The following PARP3 variants were observed in gnomAD, a reference collection of about 807,000 sequenced individuals.
The protein encoded by PARP3 is protein mono-ADP-ribosyltransferase PARP3.
A neutral mutation model predicts 58.2 loss-of-function variants in PARP3; 46 were observed. That is an observed-to-expected ratio of 0.79 (90% CI 0.62 to 1.01). PARP3 has a LOEUF of 1.01. PARP3 is among the 50% of genes least tolerant of loss of function. The probability of loss-of-function intolerance (pLI) is 0.00; values close to 1 mark genes in which losing one functional copy is unlikely to be tolerated. For missense variants in PARP3, 663 were observed against 683.9 expected (o/e 0.97, Z 0.34); for synonymous variants, 252 against 266.4 (o/e 0.95, Z 0.53).
In PARP3 at chr3:51,943,477, C is replaced by T; in HGVS notation, c.122C>T (p.Ala41Val). ...GCTGAGGCCCTCAAGGCCATACCCGCAGAGAAGCGCATAATCCGCGTGGAT... is the reference window on the plus strand; with the variant it reads ...GCTGAGGCCCTCAAGGCCATACCCGTAGAGAAGCGCATAATCCGCGTGGAT... ...STAEALKAIP[A>V]EKRIIRVDPT... Residue 41 changes from alanine (A) to valine (V), a missense_variant, in exon 2 of 11, where the codon GCA (alanine) becomes GTA (valine). This residue lies in a region of PARP3 where 567 missense variants were observed against 553.6 expected (regional missense o/e 1.02). Transcript: ENST00000398755. The T allele has an allele frequency of 1.2e-6, 2 of 1,610,974 alleles. No individual in the cohort carries two copies. The highest frequency in any genetic ancestry group is 1.7e-6 in the Non-Finnish European group (2 of 1,179,066).
In PARP3 at chr3:51,945,206, C is replaced by G. The variant is rs750791962; in HGVS notation, c.843C>G (p.Ala281=). 1 of 1,613,772 alleles carries G rather than the reference C, an allele frequency of 6.2e-7. No individual in the cohort carries two copies. The highest frequency in any genetic ancestry group is 1.1e-5 in the South Asian group (1 of 91,082). ...TCAATTCCCCTGAGCTTCTGCAGGCCAAGAAGGACATGCTGCTGGTGAGGG... is the reference window on the plus strand; with the variant it reads ...TCAATTCCCCTGAGCTTCTGCAGGCGAAGAAGGACATGCTGCTGGTGAGGG... ...PPINSPELLQ[A]KKDMLLVLAD... The change falls in exon 6 of 11, where the codon GCC becomes GCG. Residue 281 remains alanine, a synonymous_variant. Transcript: ENST00000398755.
Position 51,945,649 on chromosome 3 carries a change from G to A in PARP3, c.1011+5G>A, listed in dbSNP as rs904013666. ...TCTGGAGCACCTGAGTACAAGGTGAGTTGGGCCCCACAGAGGGGCCAGGCT... is the reference window on the plus strand; with the variant it reads ...TCTGGAGCACCTGAGTACAAGGTGAATTGGGCCCCACAGAGGGGCCAGGCT... On this transcript the variant is annotated splice_donor_5th_base_variant and intron_variant, in intron 7 of 10. Transcript: ENST00000398755. The A allele has an allele frequency of 6.2e-7, 1 of 1,613,696 alleles. No individual in the cohort carries two copies. Among genetic ancestry groups the A allele is most frequent in the Non-Finnish European group, 8.5e-7 (1 of 1,179,932 alleles).
At chr3:51,945,274 C>A in intron 6 of PARP3, 50 bp downstream of exon 6, 1 of 1,563,804 alleles carries the variant, frequency 6.4e-7, no homozygotes, top group Non-Finnish European at 8.8e-7. Flanking sequence ...GAACAGACAG[C>A]CTAGGCGAGC....
Position 51,944,369 on chromosome 3 carries a change from C to T in PARP3, c.313-21C>T. 1.2e-6 allele frequency: 2 copies of T among 1,613,162 alleles called. No individual in the cohort carries two copies. The highest frequency in any genetic ancestry group is 1.3e-5 in the African/African-American group (1 of 75,044). ...AGCAAATGCTGATGGTGGGCATACC[C>T]CTGAAGGCTGTCGGTTGCAGGGAGA... On this transcript the variant is annotated intron_variant, in intron 3 of 10. Transcript: ENST00000398755. This position sits in a 1 kb window ranked among gnomAD's most constrained non-coding sequence, Gnocchi z 4.2.
At chr3:51,945,462 G>A in intron 6 of PARP3, 33 bp from the exon 7 acceptor site, 1 of 1,606,952 alleles carries the variant, frequency 6.2e-7, no homozygotes, top group Non-Finnish European at 8.5e-7. Flanking sequence ...GAGGTCAAGT[G>A]GGAAGACAAA....
chr3:51,947,758 G>T lies in PARP3; in HGVS notation c.1295G>T (p.Gly432Val), dbSNP rs766341004. 5.0e-6 allele frequency: 8 copies of T among 1,614,126 alleles called. No homozygotes were observed. The highest frequency in any genetic ancestry group is 5.9e-6 in the Non-Finnish European group (7 of 1,179,996). Residue 432 changes from glycine (G) to valine (V), a missense_variant, in exon 10 of 11, where the codon GGG becomes GTG. Around this residue, in one of 3 missense-constraint regions of PARP3, gnomAD observed 567 missense variants for 553.6 expected, o/e 1.02. Coordinates refer to ENST00000398755, the MANE Select transcript of PARP3 (RefSeq NM_001003931.4). ...CTTGCAGTTATTGGCATGAAGTGTG[G>T]GGCCCACCATGTCGGCTACATGTTC... is the stretch of plus-strand genomic sequence containing the variant. ...SAGYVIGMKCGAHHVGYMFLG... is the reference protein window; with the variant it reads ...SAGYVIGMKCVAHHVGYMFLG...
chr3:51,945,036 C>T lies in PARP3; in HGVS notation c.673C>T (p.Gln225Ter), dbSNP rs750153146. ...KMPLGKLSKQ[Q>*]IARGFEALEA... ...GCCCCTGGGAAAGCTGAGCAAGCAA[C>T]AGATTGCACGGGGTTTCGAGGCCTT... Residue 225 changes from glutamine to a stop codon, truncating the protein, a stop_gained, in exon 6 of 11, where the codon CAG (glutamine) becomes TAG (stop). Transcript: ENST00000398755. LOFTEE classifies it high-confidence loss of function. 1 of 1,614,096 alleles carries T rather than the reference C, an allele frequency of 6.2e-7. No individual in the cohort carries two copies. The highest frequency in any genetic ancestry group is 8.5e-7 in the Non-Finnish European group (1 of 1,180,038).
In PARP3 at chr3:51,942,489, G is replaced by A. The variant is rs1699568047; in HGVS notation, c.-222G>A. ...GTCCGTGGGACTGGTCGCCTGACTCGGCCTGCCCCAGCCTCTGCTTCACCC... is the reference window on the plus strand; with the variant it reads ...GTCCGTGGGACTGGTCGCCTGACTCAGCCTGCCCCAGCCTCTGCTTCACCC... On this transcript the variant is annotated 5_prime_UTR_variant, in exon 1 of 11. Transcript: ENST00000398755. The A allele has an allele frequency of 1.5e-6, 1 of 655,988 alleles. No individual in the cohort carries two copies. Among genetic ancestry groups the A allele is most frequent in the Admixed American group, 2.2e-5 (1 of 45,744 alleles). 40.6% of individuals were successfully genotyped at this position (655,988 alleles called of 1,614,324 possible).
chr3:51,948,516 G>T lies in PARP3; in HGVS notation c.*36G>T. The T allele has an allele frequency of 6.3e-7, 1 of 1,594,920 alleles. No individual in the cohort carries two copies. Among genetic ancestry groups the T allele is most frequent in the South Asian group, 1.1e-5 (1 of 90,050 alleles). On this transcript the variant is annotated 3_prime_UTR_variant, in exon 11 of 11. Coordinates refer to ENST00000398755, the MANE Select transcript of PARP3 (RefSeq NM_001003931.4). ...TGTCCCCCGGGGTCCTGCAAGGCTGGACTGTGATCTTCAATCATCCTGCCC... is the reference window on the plus strand; with the variant it reads ...TGTCCCCCGGGGTCCTGCAAGGCTGTACTGTGATCTTCAATCATCCTGCCC...
In PARP3 at chr3:51,944,448, A is replaced by C; in HGVS notation, c.371A>C (p.Asp124Ala). Reference protein sequence around the residue: ...HFTRLEDAKKDFEKKFREKTK... With the variant: ...HFTRLEDAKKAFEKKFREKTK... ...ACAAGGCTAGAAGATGCAAAGAAGG[A>C]CTTTGAGAAGAAATTTCGGGAAAAG... The change falls in exon 4 of 11, where the codon GAC (aspartate) becomes GCC (alanine). Residue 124 changes from aspartate to alanine, a missense_variant. By Grantham distance (126) the Asp-to-Ala change is moderately radical (BLOSUM62 -2). Around this residue, in one of 3 missense-constraint regions of PARP3, gnomAD observed 567 missense variants for 553.6 expected, o/e 1.02. Coordinates refer to ENST00000398755, the MANE Select transcript of PARP3 (RefSeq NM_001003931.4). This position sits in a 1 kb window ranked among gnomAD's most constrained non-coding sequence, Gnocchi z 4.2. 6.2e-7 allele frequency: 1 copy of C among 1,614,134 alleles called. No individual in the cohort carries two copies. The highest frequency in any genetic ancestry group is 8.5e-7 in the Non-Finnish European group (1 of 1,180,034).
At position 51,948,354 on chromosome 3, in the gene PARP3, G is replaced by A. The variant is rs370829927; in HGVS notation, c.1476G>A (p.Val492=). 1.9e-6 allele frequency: 3 copies of A among 1,613,890 alleles called. No homozygotes were observed. The highest frequency in any genetic ancestry group is 2.5e-6 in the Non-Finnish European group (3 of 1,179,892). Residue 492 remains valine (V), a synonymous_variant, in exon 11 of 11, where the codon GTG becomes GTA. Transcript: ENST00000398755. ...AGTTGGAGCTGGATGGCCAGCAAGT[G>A]GTGGTGCCCCAGGGCCAGCCTGTGC... ...DTELELDGQQ[V]VVPQGQPVPC... is the part of the protein sequence containing the mutation.
chr3:51,947,825 G>A lies in PARP3; in HGVS notation c.1362G>A (p.Thr454=), dbSNP rs765927539. 62 of 1,613,948 alleles carry A rather than the reference G, an allele frequency of 3.8e-5. No individual in the cohort carries two copies. The highest frequency in any genetic ancestry group is 5.3e-5 in the African/African-American group (4 of 74,878). ...VALGREHHIN[T]DNPSLKSPPP... ...TGGGCAGAGAGCACCATATCAACAC[G>A]GACAACCCCAGCTTGAAGAGCCCAC... The change falls in exon 10 of 11, where the codon ACG becomes ACA. Residue 454 remains threonine, a synonymous_variant. Transcript: ENST00000398755.
Position 51,944,850 on chromosome 3 carries a change from C to T in PARP3, c.574C>T (p.Leu192Phe), listed in dbSNP as rs762148437. The T allele has an allele frequency of 1.2e-6, 2 of 1,613,898 alleles. No homozygotes were observed. The highest frequency in any genetic ancestry group is 2.2e-5 in the East Asian group (1 of 44,900). Residue 192 changes from leucine to phenylalanine, a missense_variant, in exon 5 of 11, where the codon CTC becomes TTC. By Grantham distance (22) the Leu-to-Phe change is conservative. Transcript: ENST00000398755. This position sits in a 1 kb window ranked among gnomAD's most constrained non-coding sequence, Gnocchi z 4.2. ...CTCCCTGGACCCAGCCACGCAGAAG[C>T]TCATCACTAACATCTTCAGCAAGGA... is the stretch of plus-strand genomic sequence containing the variant. The part of the protein sequence containing the change: ...PCSLDPATQK[L>F]ITNIFSKEMF...
Position 51,944,562 on chromosome 3 carries a change from A to G in PARP3, c.485A>G (p.Gln162Arg). The G allele has an allele frequency of 1.2e-6, 2 of 1,614,158 alleles. No homozygotes were observed. The highest frequency in any genetic ancestry group is 1.7e-6 in the Non-Finnish European group (2 of 1,180,002). The change falls in exon 4 of 11, where the codon CAG (glutamine) becomes CGG (arginine). Residue 162 changes from glutamine to arginine, a missense_variant. By Grantham distance (43) the Gln-to-Arg change is conservative (BLOSUM62 1). This residue lies in a region of PARP3 where 567 missense variants were observed against 553.6 expected (regional missense o/e 1.02). Coordinates refer to ENST00000398755, the MANE Select transcript of PARP3 (RefSeq NM_001003931.4). This position sits in a 1 kb window ranked among gnomAD's most constrained non-coding sequence, Gnocchi z 4.2. ...GAAGTACAGGCAGAGGATGAGGCCC[A>G]GGAAGCTGTGGTGAAGGTGAGATGG... Reference protein sequence around the residue: ...LIEVQAEDEAQEAVVKVDRGP... With the variant: ...LIEVQAEDEAREAVVKVDRGP...
Position 51,944,128 on chromosome 3 carries a change from A to T in PARP3, c.223A>T (p.Ile75Phe), listed in dbSNP as rs1025059167. ...CAACTGCACCCTGAACCAGACCAAC[A>T]TCGAGAACAACAACAACAAGTTCTA... ...DYNCTLNQTNIENNNNKFYII... is the reference protein window; with the variant it reads ...DYNCTLNQTNFENNNNKFYII... The change falls in exon 3 of 11, where the codon ATC becomes TTC. Residue 75 changes from isoleucine to phenylalanine, a missense_variant. This residue lies in a region of PARP3 where 567 missense variants were observed against 553.6 expected (regional missense o/e 1.02). Coordinates refer to ENST00000398755, the MANE Select transcript of PARP3 (RefSeq NM_001003931.4). This position sits in a 1 kb window ranked among gnomAD's most constrained non-coding sequence, Gnocchi z 4.2. 3 of 1,611,800 alleles carry T rather than the reference A, an allele frequency of 1.9e-6. No individual in the cohort carries two copies. The highest frequency in any genetic ancestry group is 2.5e-6 in the Non-Finnish European group (3 of 1,178,990).
At position 51,944,961 on chromosome 3, in the gene PARP3, T is replaced by C; in HGVS notation, c.635-37T>C. The C allele has an allele frequency of 6.2e-7, 1 of 1,612,756 alleles. No individual in the cohort carries two copies. The highest frequency in any genetic ancestry group is 8.5e-7 in the Non-Finnish European group (1 of 1,179,406). On this transcript the variant is annotated intron_variant, in intron 5 of 10. Transcript: ENST00000398755. The surrounding 1 kb of genome is among the most constrained non-coding windows in gnomAD (Gnocchi z 4.2). ...GGCAGGGGCCTCAGGGTGGCAGGGC[T>C]GTGGGGCTGAGTCTCCCCACTCCCC...
rs377163298 is a variant in PARP3 at position 51,943,444 on chromosome 3, G to T, written c.89G>T (p.Arg30Leu). The T allele has an allele frequency of 2.2e-5, 35 of 1,607,614 alleles. No homozygotes were observed. The highest frequency in any genetic ancestry group is 3.0e-5 in the Non-Finnish European group (35 of 1,177,620). The stretch of plus-strand genomic sequence containing the variant: ...GCAGGAAGGGAGGAGGACCCCTTCC[G>T]CTCCACCGCTGAGGCCCTCAAGGCC... Reference protein sequence around the residue: ...RQAGREEDPFRSTAEALKAIP... With the variant: ...RQAGREEDPFLSTAEALKAIP... The change falls in exon 2 of 11, where the codon CGC becomes CTC. Residue 30 changes from arginine (R) to leucine (L), a missense_variant. Coordinates refer to ENST00000398755, the MANE Select transcript of PARP3 (RefSeq NM_001003931.4).
At chr3:51,945,340 T>C in intron 6 of PARP3, 116 bp downstream of exon 6, 2 of 1,371,322 alleles carry the variant, frequency 1.5e-6, no homozygotes, top group South Asian at 2.7e-5. Flanking sequence ...CTGGGCAGGC[T>C]GACAGACGGG....
intron 1 of PARP3, chr3:51,943,081 T>C (rs1423050953): frequency 1.5e-6 from 2 of 1,344,182 alleles, no homozygotes; most frequent in Non-Finnish European, 1.9e-6. Context: ...AGGCAGACCC[T>C]GTTGACCAGA....
Sources: allele counts gnomAD v4.1 joint callset, GRCh38; gene constraint gnomAD v4.1.1; regional missense constraint gnomAD v4.1.1; non-coding constraint Gnocchi (gnomAD v3.1); transcripts MANE v1.5; gene names NCBI Gene and HGNC (gene_info 2026-07-23, HGNC 2026-07-21).